COLGALT1: variants seen among roughly 807,000 people sequenced by gnomAD.
COLGALT1 encodes the protein procollagen galactosyltransferase 1.
In COLGALT1, 43 loss-of-function variants were observed where a neutral mutation model predicts 60.8. The ratio of observed to expected loss-of-function variants is 0.71; its 90% CI spans 0.55 to 0.91. The LOEUF is 0.91. COLGALT1 is among the 40% of genes least tolerant of loss of function. The pLI is 0.00. For missense variants in COLGALT1, 845 were observed against 880.0 expected, an observed-to-expected ratio of 0.96 and a Z score of 0.50; for synonymous variants, 369 against 374.2, an observed-to-expected ratio of 0.99 and a Z score of 0.16.
At chr19:17,569,093 G>A (rs1345229007) in intron 5 of COLGALT1, among the ~76,000 whole-genome samples, 1 of 152,050 alleles carries the variant, frequency 6.6e-6, no homozygotes, top group African/African-American at 2.4e-5. Context: ...GCCGGACGTG[G>A]TGGTGCTACT....
chr19:17,576,954 G>A (rs1396067195), intron 6 of COLGALT1: 1 of 586,234 alleles, frequency 1.7e-6, no homozygotes, highest in Non-Finnish European at 3.0e-6. Flanking sequence ...AGGGCTGAGA[G>A]GCAGGACTGG....
At chr19:17,557,620 A>G (rs1343413228) in intron 1 of COLGALT1, among the ~76,000 whole-genome samples, 1 of 147,228 alleles carries the variant, frequency 6.8e-6, no homozygotes, top group African/African-American at 2.5e-5. Flanking sequence ...TTTTTTTTTG[A>G]TACAGGGTTT....
Position 17,572,614 on chromosome 19 carries a change from T to C in COLGALT1, c.949+12T>C. ...GCTGGAGGTCATGGGTGAGTCTGCC[T>C]GCACACCGCCCTGGGAGGTGCCAGG... On this transcript the variant is annotated intron_variant, in intron 6 of 11. Transcript: ENST00000252599. 6.2e-7 allele frequency: 1 copy of C among 1,613,574 alleles called. No homozygotes were observed. Among genetic ancestry groups the C allele is most frequent in the Non-Finnish European group, 8.5e-7 (1 of 1,180,010 alleles).
Position 17,580,722 on chromosome 19 carries a change from A to C in COLGALT1, c.1418A>C (p.Gln473Pro), listed in dbSNP as rs1307829046. Residue 473 changes from glutamine (Q) to proline (P), a missense_variant, in exon 11 of 12, where the codon CAG (glutamine) becomes CCG (proline). Coordinates refer to ENST00000252599, the MANE Select transcript of COLGALT1 (RefSeq NM_024656.4). ...AGCTATGTGGGCCGGAAGCGGATGC[A>C]GGTGGAGCACCCCGAGAAGGCTGTG... Reference protein sequence around the residue: ...DLIYVGRKRMQVEHPEKAVPR... With the variant: ...DLIYVGRKRMPVEHPEKAVPR... The C allele has an allele frequency of 6.2e-7, 1 of 1,613,970 alleles. No homozygotes were observed. Among genetic ancestry groups the C allele is most frequent in the Non-Finnish European group, 8.5e-7 (1 of 1,179,988 alleles).
chr19:17,559,509 A>G lies in COLGALT1; in HGVS notation c.371+88A>G, dbSNP rs903512640. ...GGCTCCCCATTGCCCCAGAACAATT[A>G]CAGGCCCTCAGTCCCTGCCTCCAGC... On this transcript the variant is annotated intron_variant, in intron 2 of 11. Coordinates refer to ENST00000252599, the MANE Select transcript of COLGALT1 (RefSeq NM_024656.4). 2.9e-6 allele frequency: 3 copies of G among 1,039,190 alleles called. No homozygotes were observed. The African/African-American group carries it at 4.7e-5, about 16-fold the overall frequency. 64.4% of individuals were successfully genotyped at this position (1,039,190 alleles called of 1,614,324 possible).
At chr19:17,572,207 C>G (rs1194019668) in intron 5 of COLGALT1, among the ~76,000 whole-genome samples, 1 of 151,850 alleles carries the variant, frequency 6.6e-6, no homozygotes, top group Non-Finnish European at 1.5e-5. Flanking sequence ...ACTAGGGAGG[C>G]TGAGGCAGGA....
chr19:17,558,899 C>T (rs937831071), intron 1 of COLGALT1, among the ~76,000 whole-genome samples: 4 of 151,974 alleles, frequency 2.6e-5, no homozygotes, highest in East Asian at 1.9e-4. Context: ...GTGGCTCACG[C>T]TTGTTAAGTC....
intron 6 of COLGALT1, 134 bp downstream of exon 6, chr19:17,572,736 C>CA (rs1322926327): frequency 4.7e-6 from 6 of 1,290,270 alleles, no homozygotes; most frequent in African/African-American, 1.5e-5. Flanking sequence ...GGTGCAACGG[C>CA]ACGTGTGAAC....
intron 9 of COLGALT1, 133 bp from the exon 10 acceptor site, chr19:17,579,349 T>C: frequency 8.0e-7 from 1 of 1,244,484 alleles, no homozygotes; most frequent in South Asian, 1.4e-5. Flanking sequence ...CAGATGTCCC[T>C]GGAGCTAGGA....
intron 3 of COLGALT1, among the ~76,000 whole-genome samples, chr19:17,565,310 C>T (rs911055491): frequency 6.6e-6 from 1 of 152,024 alleles, no homozygotes; most frequent in Non-Finnish European, 1.5e-5. Context: ...CATGTGTCAC[C>T]ATGCCCGGCT....
Position 17,572,568 on chromosome 19 carries a change from C to G in COLGALT1, c.915C>G (p.Ala305=), listed in dbSNP as rs137936254. The stretch of plus-strand genomic sequence containing the variant: ...CCCACAGCACCCTCCAGGATGAGGC[C>G]GAGAGCTTCATGCATGTGCAGCTGG... ...LRAHSTLQDE[A]ESFMHVQLEV... The change falls in exon 6 of 12, where the codon GCC becomes GCG. Residue 305 remains alanine, a synonymous_variant. Transcript: ENST00000252599. 10 of 1,614,118 alleles carry G rather than the reference C, an allele frequency of 6.2e-6. No individual in the cohort carries two copies. The highest frequency in any genetic ancestry group is 3.3e-5 in the South Asian group (3 of 91,086).
intron 5 of COLGALT1, among the ~76,000 whole-genome samples, chr19:17,570,626 C>T (rs966586934): frequency 6.6e-6 from 1 of 151,982 alleles, no homozygotes; most frequent in East Asian, 1.9e-4. Flanking sequence ...AGTACAGTGG[C>T]ATGATCTCAG....
intron 1 of COLGALT1, among the ~76,000 whole-genome samples, chr19:17,557,672 G>T (rs1200731234): frequency 6.6e-6 from 1 of 152,032 alleles, no homozygotes; most frequent in East Asian, 1.9e-4. Flanking sequence ...TGCAATCCTA[G>T]CTCACTGCAA....
At chr19:17,581,111 T>G in intron 11 of COLGALT1, 66 bp from the exon 12 acceptor site, 1 of 1,561,888 alleles carries the variant, frequency 6.4e-7, no homozygotes, top group East Asian at 2.2e-5. Context: ...CACCCCCAAT[T>G]TTTCCTCCAG....
chr19:17,558,475 C>T (rs566723856), intron 1 of COLGALT1, among the ~76,000 whole-genome samples: 17 of 148,460 alleles, frequency 1.1e-4, no homozygotes, highest in African/African-American at 3.7e-4. Flanking sequence ...GTCAGGAGTT[C>T]GAGAGCAGCC....
rs2076294530 is a variant in COLGALT1 at position 17,568,679 on chromosome 19, C to T, written c.795C>T (p.Asp265=). 22 of 1,614,072 alleles carry T rather than the reference C, an allele frequency of 1.4e-5. No individual in the cohort carries two copies. Among genetic ancestry groups the T allele is most frequent in the Non-Finnish European group, 1.9e-5 (22 of 1,180,044 alleles). The part of the protein sequence containing the change: ...PHPDYTWSFD[D]IIVFAFSCKQ... ...CTGACTACACCTGGTCCTTTGACGA[C>T]ATCATCGTCTTTGCCTTCTCCTGCA... The change falls in exon 5 of 12, where the codon GAC becomes GAT. Residue 265 remains aspartate, a synonymous_variant. Coordinates refer to ENST00000252599, the MANE Select transcript of COLGALT1 (RefSeq NM_024656.4).
chr19:17,580,934 G>T (rs1206138230), intron 11 of COLGALT1, 29 bp downstream of exon 11: 1 of 1,611,258 alleles, frequency 6.2e-7, no homozygotes, highest in African/African-American at 1.3e-5. Flanking sequence ...TGCTGGGCTG[G>T]GGTTTCACGG....
At chr19:17,569,891 C>CCTTT (rs749016124) in intron 5 of COLGALT1, among the ~76,000 whole-genome samples, 3,356 of 98,432 alleles carry the variant, frequency 0.034, 117 homozygotes, top group South Asian at 0.073. Context: ...CCACTAATTA[C>CCTTT]TTTTTTTTTT....
rs549175284 is a variant in COLGALT1, at chr19:17,557,666, A to G, written c.261-1645A>G. Among the ~76,000 whole-genome samples, 3 of 151,866 alleles carry G rather than the reference A, an allele frequency of 2.0e-5. No individual in the cohort carries two copies. The East Asian group carries it at 5.8e-4, about 29-fold the overall frequency. On this transcript the variant is annotated intron_variant, in intron 1 of 11. Coordinates refer to ENST00000252599, the MANE Select transcript of COLGALT1 (RefSeq NM_024656.4). Reference sequence around the variant, plus strand: ...GCCCAGGCGGGAGTGCAGTGGTGCAATCCTAGCTCACTGCAACTTCCCCCT... The same window carrying G: ...GCCCAGGCGGGAGTGCAGTGGTGCAGTCCTAGCTCACTGCAACTTCCCCCT...
Sources: allele counts gnomAD v4.1 joint callset (sites outside exome capture counted in the v4.1 genomes callset), GRCh38; gene constraint gnomAD v4.1.1; transcripts MANE v1.5; gene names NCBI Gene and HGNC (gene_info 2026-07-23, HGNC 2026-07-21).